The following OTOGL variants were observed in gnomAD, a reference collection of about 807,000 sequenced individuals.
OTOGL encodes the protein otogelin like.
A neutral mutation model predicts 318.5 loss-of-function variants in OTOGL; 285 were observed. That is an observed-to-expected ratio of 0.89 (90% CI 0.81 to 0.99). The LOEUF (loss-of-function observed/expected upper bound fraction) is 0.99, where lower values mean the gene tolerates loss of function less well. OTOGL is among the 50% of genes least tolerant of loss of function. The probability of loss-of-function intolerance (pLI) is 0.00; values close to 1 mark genes in which losing one functional copy is unlikely to be tolerated. For missense variants in OTOGL, 2,899 were observed against 2,845.6 expected (o/e 1.02, Z -0.43); for synonymous variants, 987 against 936.5 (o/e 1.05, Z -0.99).
chr12:80,218,565 A>G (rs1367122053), intron 5 of OTOGL, among the ~76,000 whole-genome samples: 1 of 152,130 alleles, frequency 6.6e-6, no homozygotes, highest in African/African-American at 2.4e-5. Flanking sequence ...TCCTTATTAG[A>G]GGAAATTTTT....
chr12:80,369,166 A>G lies in OTOGL; in HGVS notation c.6615+857A>G, dbSNP rs527454291. ...AACTCATGAATTTCTCAGCTTTGAC[A>G]TAATTAAATATGCAAACAAATTAGA... On this transcript the variant is annotated intron_variant, in intron 55 of 58. Coordinates refer to ENST00000547103, the MANE Select transcript of OTOGL (RefSeq NM_001378609.3). Among the ~76,000 whole-genome samples, 253 of 152,172 alleles carry G rather than the reference A, an allele frequency of 1.7e-3. 1 individual carries two copies. Among genetic ancestry groups the G allele is most frequent in the Non-Finnish European group, 2.4e-3 (161 of 67,958 alleles).
At chr12:80,308,024 G>A (rs1232418978) in intron 29 of OTOGL, among the ~76,000 whole-genome samples, 10 of 141,446 alleles carry the variant, frequency 7.1e-5, no homozygotes, top group African/African-American at 1.9e-4. Flanking sequence ...CCTGCCGGAC[G>A]GGGCGGCTGG....
At chr12:80,236,329 A>G (rs1270607661) in intron 9 of OTOGL, among the ~76,000 whole-genome samples, 1 of 152,200 alleles carries the variant, frequency 6.6e-6, no homozygotes, top group Non-Finnish European at 1.5e-5. Flanking sequence ...CAATATGGAC[A>G]GTAAATTACT....
chr12:80,373,034 T>C (rs1192640135), intron 57 of OTOGL, among the ~76,000 whole-genome samples: 1 of 152,146 alleles, frequency 6.6e-6, no homozygotes, highest in Non-Finnish European at 1.5e-5. Flanking sequence ...ACCACATTTA[T>C]TTTTTCTTTT....
chr12:80,182,079 G>C (rs1053526106), intron 1 of OTOGL, among the ~76,000 whole-genome samples: 3 of 152,112 alleles, frequency 2.0e-5, no homozygotes, highest in Non-Finnish European at 4.4e-5. Context: ...CTTGAGCCCA[G>C]AGGTTGAGAC....
chr12:80,159,712 A>T (rs1335342804), intron 1 of OTOGL, among the ~76,000 whole-genome samples: 3 of 152,114 alleles, frequency 2.0e-5, no homozygotes, highest in African/African-American at 7.2e-5. Context: ...TTTCCATCAA[A>T]TTGCCAACAT....
intron 38 of OTOGL, 134 bp downstream of exon 38, chr12:80,333,212 G>T: frequency 2.9e-6 from 2 of 697,766 alleles, no homozygotes; most frequent in Non-Finnish European, 2.3e-6. Flanking sequence ...AAGATATTAA[G>T]AAATATGCAT....
chr12:80,293,388 T>C (rs1885175052), intron 26 of OTOGL, among the ~76,000 whole-genome samples: 1 of 152,226 alleles, frequency 6.6e-6, no homozygotes, highest in African/African-American at 2.4e-5. Context: ...TTCATAAACT[T>C]TTTGTAACCT....
At chr12:80,223,161 C>T (rs1878513253) in intron 7 of OTOGL, among the ~76,000 whole-genome samples, 1 of 152,030 alleles carries the variant, frequency 6.6e-6, no homozygotes, top group African/African-American at 2.4e-5. Context: ...CAAGTTACTT[C>T]ACTTAGGCTA....
intron 1 of OTOGL, among the ~76,000 whole-genome samples, chr12:80,199,203 C>T (rs752103810): frequency 9.8e-5 from 15 of 152,310 alleles, no homozygotes; most frequent in Middle Eastern, 3.4e-3. Context: ...GCTTACTTTG[C>T]TCCAGTCACA....
At chr12:80,299,243 G>A (rs1443525740) in intron 27 of OTOGL, among the ~76,000 whole-genome samples, 1 of 152,182 alleles carries the variant, frequency 6.6e-6, no homozygotes, top group African/African-American at 2.4e-5. Context: ...ATGTTGACAT[G>A]TTTTTAAAGT....
At chr12:80,170,203 G>A (rs1354942491) in intron 1 of OTOGL, among the ~76,000 whole-genome samples, 2 of 116,532 alleles carry the variant, frequency 1.7e-5, no homozygotes, top group East Asian at 5.9e-4. Flanking sequence ...GTGTGTGTGT[G>A]TGTGTGTGTG....
At chr12:80,247,270 G>A (rs918688175) in intron 11 of OTOGL, among the ~76,000 whole-genome samples, 15 of 148,776 alleles carry the variant, frequency 1.0e-4, no homozygotes, top group Non-Finnish European at 1.8e-4. Context: ...TGTCAATTTT[G>A]GATCTTTCCT....
At chr12:80,322,097 A>C (rs1887373619) in intron 34 of OTOGL, among the ~76,000 whole-genome samples, 1 of 152,170 alleles carries the variant, frequency 6.6e-6, no homozygotes, top group Non-Finnish European at 1.5e-5. Context: ...TCCTTACCTC[A>C]GGATAACCCT....
At chr12:80,376,383 A>G (rs1891178143) in intron 57 of OTOGL, among the ~76,000 whole-genome samples, 1 of 152,210 alleles carries the variant, frequency 6.6e-6, no homozygotes, top group South Asian at 2.1e-4. Context: ...AAAGTAACAA[A>G]GCAAGTTGGA....
chr12:80,365,323 G>GGTAAATAT (rs1258281696), intron 52 of OTOGL, among the ~76,000 whole-genome samples: 1 of 151,984 alleles, frequency 6.6e-6, no homozygotes, highest in African/African-American at 2.4e-5. Context: ...TATTTTTTCA[G>GGTAAATAT]GTAAATATTT....
intron 11 of OTOGL, among the ~76,000 whole-genome samples, chr12:80,248,236 G>C (rs1219960536): frequency 1.3e-5 from 2 of 148,196 alleles, no homozygotes; most frequent in Non-Finnish European, 3.0e-5. Flanking sequence ...TTGCTCGTTA[G>C]TTGATGCAGT....
rs942494542 is a variant in OTOGL at position 80,271,816 on chromosome 12, C to A, written c.2681+6C>A. ...GGCTGTGTTTGTGCTCCAGGGTAAG[C>A]CTCTTCTTCATAATACAGAACATTC... is the stretch of plus-strand genomic sequence containing the variant. On this transcript the variant is annotated splice_donor_region_variant and intron_variant, in intron 24 of 58. Transcript: ENST00000547103. 1 of 1,609,430 alleles carries A rather than the reference C, an allele frequency of 6.2e-7. No individual in the cohort carries two copies. Among genetic ancestry groups the A allele is most frequent in the African/African-American group, 1.3e-5 (1 of 74,644 alleles).
chr12:80,222,796 T>C (rs1451102), intron 7 of OTOGL, among the ~76,000 whole-genome samples: 44,025 of 152,090 alleles, frequency 0.29, 9,053 homozygotes, highest in African/African-American at 0.59. Context: ...CTCTCCATAG[T>C]CAAAACATAT....
Sources: gnomAD v4.1 joint callset for allele counts (sites outside exome capture counted in the v4.1 genomes callset) on GRCh38, gnomAD v4.1.1 for gene constraint, MANE v1.5 for transcripts, NCBI Gene and HGNC (gene_info 2026-07-23, HGNC 2026-07-21) for gene names.